Variants in PTCH2 observed in about 807,000 individuals in gnomAD.
PTCH2 encodes the protein patched 2, also known as protein patched homolog 2.
Under a neutral mutation model 117.9 loss-of-function variants are expected in PTCH2, and 96 were observed. That is an observed-to-expected ratio of 0.81 (90% confidence interval 0.69 to 0.96). The LOEUF is 0.96. Ranked by LOEUF, PTCH2 falls within the 50% of genes least tolerant of loss-of-function variation. The probability of loss-of-function intolerance (pLI) is 0.00; values close to 1 mark genes in which losing one functional copy is unlikely to be tolerated. For synonymous variants in PTCH2, 615 were observed against 660.9 expected (o/e 0.93, Z 1.06); for missense variants, 1,379 against 1,562.5 (o/e 0.88, Z 1.98).
At chr1:44,821,733 T>C (rs1324335086), downstream of PTCH2, 5 of 1,231,558 alleles carry the variant, frequency 4.1e-6, no homozygotes, top group African/African-American at 6.4e-5. Context: ...ACCAACAAAA[T>C]TTGTTATCGT....
At chr1:44,819,886 C>T (rs375688837), downstream of PTCH2, 14 of 153,108 alleles carry the variant, frequency 9.1e-5, no homozygotes, top group East Asian at 1.4e-3. Context: ...AAAATGTAGC[C>T]TCAGGAAATA....
downstream of PTCH2, chr1:44,820,245 G>T (rs186548203): frequency 5.1e-6 from 2 of 393,084 alleles, no homozygotes; most frequent in African/African-American, 2.1e-5. Flanking sequence ...CCGCGCCACC[G>T]GGGAAGCCAT....
chr1:44,820,113 G>GT (rs1557639739), downstream of PTCH2: 1 of 335,472 alleles, frequency 3.0e-6, no homozygotes, highest in East Asian at 8.1e-5. Flanking sequence ...ACAGATGCGT[G>GT]TAAGAGGCAT....
At position 44,832,332 on chromosome 1, in the gene PTCH2, C is replaced by A. The variant is rs778736481; in HGVS notation, c.275G>T (p.Arg92Leu). 2.5e-6 allele frequency: 4 copies of A among 1,614,112 alleles called. No homozygotes were observed. The highest frequency in any genetic ancestry group is 3.4e-6 in the Non-Finnish European group (4 of 1,180,036). Residue 92 changes from arginine (R) to leucine (L), a missense_variant, in exon 3 of 22, where the codon CGG (arginine) becomes CTG (leucine). Arg to Leu is a moderately radical substitution (Grantham distance 102). Coordinates refer to ENST00000372192, the MANE Select transcript of PTCH2 (RefSeq NM_003738.5). Reference protein sequence around the residue: ...LEQLWVEVGSRVSQELHYTKE... With the variant: ...LEQLWVEVGSLVSQELHYTKE... ...GGTGTAATGCAGCTCCTGGCTCACC[C>A]GGCTGCCCACTGCCAGAGCAAACAG...
chr1:44,842,305 A>G (rs1653988049), intron 1 of PTCH2, among the ~76,000 whole-genome samples: 1 of 130,566 alleles, frequency 7.7e-6, no homozygotes, highest in Non-Finnish European at 1.5e-5. Flanking sequence ...TTTGAGACGC[A>G]GTCTCGCTCT....
intron 19 of PTCH2, among the ~76,000 whole-genome samples, chr1:44,825,701 A>C (rs1400104629): frequency 6.9e-6 from 1 of 144,608 alleles, no homozygotes; most frequent in African/African-American, 2.6e-5. Context: ...TAATTTTTGT[A>C]TTTTCAGTAG....
rs1307963579 is a variant in PTCH2, at chr1:44,842,971, G to A, written c.-39C>T. 6.6e-7 allele frequency: 1 copy of A among 1,515,228 alleles called. No individual in the cohort carries two copies. Among genetic ancestry groups the A allele is most frequent in the Non-Finnish European group, 8.8e-7 (1 of 1,133,668 alleles). 93.9% of individuals were successfully genotyped at this position (1,515,228 alleles called of 1,614,324 possible). ...GGGGGCGCGGGCGCCCCCAACCCGC[G>A]TTATCTGGGCGCTCCCATAGGCTAG... On this transcript the variant is annotated 5_prime_UTR_variant, in exon 1 of 22. In the 5' UTR this introduces an upstream ATG that the reference lacks. Transcript: ENST00000372192.
chr1:44,829,542 A>G lies in PTCH2; in HGVS notation c.1084-9T>C, dbSNP rs1653332339. ...AGGGCCTCCTGGGCCAGCTGGAGAA[A>G]CAGGGTGGATAGGAGGGGGCAGGAG... On this transcript the variant is annotated splice_polypyrimidine_tract_variant and intron_variant, in intron 8 of 21. Transcript: ENST00000372192. 6.2e-7 allele frequency: 1 copy of G among 1,614,128 alleles called. No homozygotes were observed. The highest frequency in any genetic ancestry group is 8.5e-7 in the Non-Finnish European group (1 of 1,179,996).
At position 44,826,150 on chromosome 1, in the gene PTCH2, C is replaced by G. The variant is rs1202639543; in HGVS notation, c.3114+100G>C. 7.3e-6 allele frequency: 11 copies of G among 1,503,198 alleles called. No individual in the cohort carries two copies. The highest frequency in any genetic ancestry group is 5.4e-6 in the Non-Finnish European group (6 of 1,105,284). 93.1% of individuals were successfully genotyped at this position (1,503,198 alleles called of 1,614,324 possible). On this transcript the variant is annotated intron_variant, in intron 19 of 21. Transcript: ENST00000372192. This position sits in a 1 kb window ranked among gnomAD's most constrained non-coding sequence, Gnocchi z 5.1. ...AATGAGCTACCACGTCCACCCAGCC[C>G]AAATTCTTAAATAGTACCTAGCACA...
rs990476185 is a variant in PTCH2, at chr1:44,831,607, C to T, written c.617+99G>A. On this transcript the variant is annotated intron_variant, in intron 5 of 21. Transcript: ENST00000372192. This position sits in a 1 kb window ranked among gnomAD's most constrained non-coding sequence, Gnocchi z 4.3. ...TCCTGGCCTGGGAGGTAATTAGGAC[C>T]TTGGTAAGGTTTTGATCATCCTCAT... 3 of 1,241,304 alleles carry T rather than the reference C, an allele frequency of 2.4e-6. No individual in the cohort carries two copies. Among genetic ancestry groups the T allele is most frequent in the Non-Finnish European group, 3.5e-6 (3 of 867,164 alleles). 76.9% of individuals were successfully genotyped at this position (1,241,304 alleles called of 1,614,324 possible).
At position 44,827,057 on chromosome 1, in the gene PTCH2, C is replaced by T. The variant is rs2148874807; in HGVS notation, c.2540G>A (p.Arg847Lys). ...SQLTTRKLVD[R>K]EGLIPPELFY... The stretch of plus-strand genomic sequence containing the variant: ...GAGCTCGGGTGGAATCAGTCCCTCT[C>T]TGTCCACCAGCTTCCTTGTGGTCAG... The change falls in exon 17 of 22, where the codon AGA becomes AAA. Residue 847 changes from arginine (R) to lysine (K), a missense_variant. Transcript: ENST00000372192. The T allele has an allele frequency of 6.2e-7, 1 of 1,614,148 alleles. No individual in the cohort carries two copies. Among genetic ancestry groups the T allele is most frequent in the African/African-American group, 1.3e-5 (1 of 75,060 alleles).
Position 44,843,206 on chromosome 1 carries a change from C to T in PTCH2, c.-274G>A. 1 of 1,196,440 alleles carries T rather than the reference C, an allele frequency of 8.4e-7. No individual in the cohort carries two copies. The highest frequency in any genetic ancestry group is 1.0e-6 in the Non-Finnish European group (1 of 963,022). The allele number at this position is 1,196,440 out of a possible 1,614,324, so 74.1% of individuals were successfully genotyped here. ...AGGAGGAATGGGTCCCGCGCGCAGG[C>T]GGAATTGCTGGCCCGAGACGCACAG... On this transcript the variant is annotated 5_prime_UTR_variant, in exon 1 of 22. Coordinates refer to ENST00000372192, the MANE Select transcript of PTCH2 (RefSeq NM_003738.5).
intron 2 of PTCH2, among the ~76,000 whole-genome samples, chr1:44,836,095 C>T (rs993871269): frequency 6.6e-6 from 1 of 152,078 alleles, no homozygotes; most frequent in Non-Finnish European, 1.5e-5. Context: ...TCTAACAGAC[C>T]CTGATTTCCG....
chr1:44,830,080 C>A, intron 6 of PTCH2, 50 bp from the exon 7 acceptor site: 1 of 1,606,520 alleles, frequency 6.2e-7, no homozygotes, highest in Non-Finnish European at 8.5e-7. Flanking sequence ...CCGTGGATAA[C>A]TGAGTGTCCC....
intron 2 of PTCH2, 62 bp from the exon 3 acceptor site, chr1:44,832,403 G>C (rs1429207398): frequency 6.4e-7 from 1 of 1,573,322 alleles, no homozygotes; most frequent in South Asian, 1.1e-5. Context: ...AACTTGGGAA[G>C]GGGGCTTCTA....
At chr1:44,832,448 C>G in intron 2 of PTCH2, 107 bp from the exon 3 acceptor site, 2 of 1,183,874 alleles carry the variant, frequency 1.7e-6, no homozygotes, top group Non-Finnish European at 1.2e-6. Flanking sequence ...GGGAGAGGTG[C>G]GGCAGAGAGG....
intron 2 of PTCH2, 70 bp from the exon 3 acceptor site, chr1:44,832,411 C>G (rs1265541080): frequency 6.5e-7 from 1 of 1,541,738 alleles, no homozygotes; most frequent in Non-Finnish European, 8.9e-7. Flanking sequence ...AAGGGGGCTT[C>G]TAACTCTGAG....
chr1:44,841,790 C>T (rs559122791), intron 2 of PTCH2, 57 bp downstream of exon 2: 10 of 1,593,842 alleles, frequency 6.3e-6, no homozygotes, highest in African/African-American at 4.0e-5. Flanking sequence ...CTCCTCACCC[C>T]GTTCTTGTCT....
chr1:44,842,924 T>G lies in PTCH2; in HGVS notation c.9A>C (p.Arg3=), dbSNP rs2148887110. 1 of 1,546,636 alleles carries G rather than the reference T, an allele frequency of 6.5e-7. No individual in the cohort carries two copies. Among genetic ancestry groups the G allele is most frequent in the South Asian group, 1.2e-5 (1 of 83,522 alleles). ...GGGGCAGCTCTCTGAGGGGCGGCGA[T>G]CGAGTCATGCTGGCGGGGATGGGGG... MT[R]SPPLRELPPS... Residue 3 remains arginine (R), a synonymous_variant, in exon 1 of 22, where the codon CGA becomes CGC. Coordinates refer to ENST00000372192, the MANE Select transcript of PTCH2 (RefSeq NM_003738.5).
Sources: gnomAD v4.1 joint callset for allele counts (sites outside exome capture counted in the v4.1 genomes callset) on GRCh38, gnomAD v4.1.1 for gene constraint, Gnocchi (gnomAD v3.1) non-coding constraint, MANE v1.5 for transcripts, NCBI Gene and HGNC (gene_info 2026-07-23, HGNC 2026-07-21) for gene names.